ECPAS: variants seen among roughly 807,000 people sequenced by gnomAD.
The protein encoded by ECPAS is proteasome adapter and scaffold protein ECM29.
ECPAS carries 70 observed loss-of-function variants against 255.1 expected under a neutral mutation model. The ratio of observed to expected loss-of-function variants is 0.27; its 90% CI spans 0.23 to 0.33. The LOEUF (loss-of-function observed/expected upper bound fraction) is 0.33, where lower values mean the gene tolerates loss of function less well. Among genes scored for constraint, ECPAS ranks in the 10% least tolerant of loss-of-function variants. The pLI, the probability that ECPAS is intolerant of heterozygous loss-of-function variation, is 1.00. For missense variants in ECPAS, 1,817 were observed against 2,206.4 expected, an observed-to-expected ratio of 0.82 and a Z score of 3.54; for synonymous variants, 784 against 775.0, an observed-to-expected ratio of 1.01 and a Z score of -0.19.
chr9:111,446,461 T>A (rs1249165949), intron 3 of ECPAS, among the ~76,000 whole-genome samples: 7 of 152,166 alleles, frequency 4.6e-5, no homozygotes, highest in Admixed American at 3.9e-4. Flanking sequence ...TGCTCTAGCC[T>A]CAAAGCATGC....
At chr9:111,444,305 G>A in intron 4 of ECPAS, 73 bp downstream of exon 4, 5 of 975,664 alleles carry the variant, frequency 5.1e-6, no homozygotes, top group Non-Finnish European at 7.9e-6. Context: ...TTGCCAATAT[G>A]TTGATGACAT....
intron 3 of ECPAS, among the ~76,000 whole-genome samples, chr9:111,448,819 T>A (rs1244992536): frequency 9.2e-5 from 14 of 152,224 alleles, no homozygotes; most frequent in Non-Finnish European, 1.9e-4. Flanking sequence ...ACAACACTCT[T>A]ATAAATAAGT....
chr9:111,447,421 A>C, intron 3 of ECPAS, among the ~76,000 whole-genome samples: 1 of 152,260 alleles, frequency 6.6e-6, no homozygotes, highest in Non-Finnish European at 1.5e-5. Context: ...GCCTATTTTG[A>C]ATTTTAAATG....
intron 29 of ECPAS, among the ~76,000 whole-genome samples, chr9:111,390,726 G>C (rs1026187594): frequency 6.6e-6 from 1 of 152,218 alleles, no homozygotes; most frequent in Non-Finnish European, 1.5e-5. Context: ...GCAGGCTCGT[G>C]TGTGACACCA....
rs1233323127 is a variant in ECPAS, at chr9:111,417,904, C to T, written c.1662G>A (p.Met554Ile). Residue 554 changes from methionine (M) to isoleucine (I), a missense_variant, in exon 17 of 50, where the codon ATG becomes ATA. Transcript: ENST00000684092. Reference protein sequence around the residue: ...TSEQMPSFPEMVYYIQEKASH... With the variant: ...TSEQMPSFPEIVYYIQEKASH... The stretch of plus-strand genomic sequence containing the variant: ...ATACCTTTTCTTGGATGTAATAAAC[C>T]ATTTCTGGGAAGGAAGGCATCTGCT... The T allele has an allele frequency of 3.2e-5, 50 of 1,573,686 alleles. No homozygotes were observed. In the East Asian group the frequency reaches 1.1e-3, roughly 34 times the overall value.
At chr9:111,377,091 T>C (rs1280994735) in intron 36 of ECPAS, among the ~76,000 whole-genome samples, 1 of 152,152 alleles carries the variant, frequency 6.6e-6, no homozygotes, top group African/African-American at 2.4e-5. Flanking sequence ...AAATTCTCAA[T>C]GCTTAGTAAA....
rs781472400 is a variant in ECPAS, at chr9:111,428,108, C to T, written c.984G>A (p.Lys328=). 3.1e-6 allele frequency: 5 copies of T among 1,613,216 alleles called. No individual in the cohort carries two copies. The highest frequency in any genetic ancestry group is 1.6e-4 in the Middle Eastern group (1 of 6,078). The change falls in exon 10 of 50, where the codon AAG becomes AAA. Residue 328 remains lysine, a synonymous_variant. Transcript: ENST00000684092. The stretch of plus-strand genomic sequence containing the variant: ...GGAGGAGATGGGGGACAATCTTTAA[C>T]TTGACTCTTGTACTGACAGGGTCCC... The part of the protein sequence containing the change: ...LKRDPVSTRV[K]LKIVPHLLRS...
Position 111,393,744 on chromosome 9 carries a change from G to T in ECPAS, c.2923-10C>A. On this transcript the variant is annotated splice_polypyrimidine_tract_variant and intron_variant, in intron 26 of 49. Transcript: ENST00000684092. ...TTTCTTTAAGATGAGACTGAAAGAA[G>T]AAAAAAGGCATTAGAACACTGAAAC... 1 of 1,563,656 alleles carries T rather than the reference G, an allele frequency of 6.4e-7. No individual in the cohort carries two copies. Among genetic ancestry groups the T allele is most frequent in the Non-Finnish European group, 8.8e-7 (1 of 1,138,586 alleles).
At chr9:111,464,126 C>T (rs796381542) in intron 2 of ECPAS, among the ~76,000 whole-genome samples, 10 of 152,018 alleles carry the variant, frequency 6.6e-5, no homozygotes, top group African/African-American at 2.2e-4. Flanking sequence ...TATGTAACAC[C>T]GTCCTAGAAA....
intron 24 of ECPAS, among the ~76,000 whole-genome samples, chr9:111,397,446 G>A (rs1385288213): frequency 1.3e-5 from 2 of 152,122 alleles, no homozygotes; most frequent in Non-Finnish European, 2.9e-5. Flanking sequence ...TTCACCTAAG[G>A]AAGACAGAAA....
intron 7 of ECPAS, among the ~76,000 whole-genome samples, chr9:111,434,687 T>C (rs1446100179): frequency 6.6e-6 from 1 of 151,022 alleles, no homozygotes; most frequent in African/African-American, 2.4e-5. Context: ...CCTCCTGGGT[T>C]CAAGCAATTC....
At chr9:111,380,876 T>G (rs914972651) in intron 35 of ECPAS, among the ~76,000 whole-genome samples, 1 of 152,236 alleles carries the variant, frequency 6.6e-6, no homozygotes, top group African/African-American at 2.4e-5. Context: ...TTACTTCTCT[T>G]AGACTTCACA....
chr9:111,481,218 C>T (rs1210294580), intron 1 of ECPAS, among the ~76,000 whole-genome samples: 5 of 152,138 alleles, frequency 3.3e-5, no homozygotes, highest in Admixed American at 2.0e-4. Context: ...CAGTGGGGGC[C>T]GGGCGCGGTG....
chr9:111,449,405 TGAGA>T (rs972061658), intron 3 of ECPAS, among the ~76,000 whole-genome samples: 2 of 152,066 alleles, frequency 1.3e-5, no homozygotes, highest in Non-Finnish European at 2.9e-5. Flanking sequence ...TAAAATTATG[TGAGA>T]GAGATATGCT....
intron 3 of ECPAS, among the ~76,000 whole-genome samples, chr9:111,446,137 A>G (rs1308947916): frequency 6.6e-6 from 1 of 152,180 alleles, no homozygotes; most frequent in Non-Finnish European, 1.5e-5. Flanking sequence ...AGGCATTTTT[A>G]TTGTATTCTG....
chr9:111,414,940 T>C (rs1033634133), intron 18 of ECPAS, among the ~76,000 whole-genome samples: 2 of 151,968 alleles, frequency 1.3e-5, no homozygotes, highest in Non-Finnish European at 2.9e-5. Context: ...GAACAGAAAA[T>C]CAAATACCAC....
At chr9:111,429,946 T>A (rs2098227403) in intron 9 of ECPAS, among the ~76,000 whole-genome samples, 1 of 152,218 alleles carries the variant, frequency 6.6e-6, no homozygotes, top group South Asian at 2.1e-4. Context: ...CTCACGTTAG[T>A]AAGGCAAAGG....
chr9:111,396,589 C>A (rs187241350), intron 25 of ECPAS, among the ~76,000 whole-genome samples: 1 of 152,140 alleles, frequency 6.6e-6, no homozygotes, highest in Non-Finnish European at 1.5e-5. Context: ...CTTACTCTGT[C>A]GCCCAGGATA....
intron 48 of ECPAS, chr9:111,366,029 G>T: frequency 1.9e-6 from 1 of 516,422 alleles, no homozygotes; most frequent in South Asian, 3.1e-5. Context: ...TACTTGTCAC[G>T]AAGGTTTTTC....
Sources: allele counts gnomAD v4.1 joint callset (sites outside exome capture counted in the v4.1 genomes callset), GRCh38; gene constraint gnomAD v4.1.1; transcripts MANE v1.5; gene names NCBI Gene and HGNC (gene_info 2026-07-23, HGNC 2026-07-21).